Variants in SUGCT observed in about 807,000 individuals in gnomAD.
SUGCT encodes succinyl-CoA:glutarate CoA-transferase.
SUGCT carries 41 observed loss-of-function variants against 55.0 expected under a neutral mutation model. The observed-to-expected ratio is 0.74, with a 90% CI of 0.58 to 0.97. The LOEUF (loss-of-function observed/expected upper bound fraction) is 0.97. Among genes scored for constraint, SUGCT ranks in the 50% least tolerant of loss-of-function variants. The pLI is 0.00. For synonymous variants in SUGCT, 187 were observed against 200.4 expected (o/e 0.93, Z 0.56); for missense variants, 568 against 547.8 (o/e 1.04, Z -0.37).
At chr7:40,798,007 C>T (rs1054893630) in intron 13 of SUGCT, among the ~76,000 whole-genome samples, 4 of 152,298 alleles carry the variant, frequency 2.6e-5, no homozygotes, top group South Asian at 4.1e-4. Context: ...GTGCTTCAAA[C>T]GTGCATCCCC....
intron 10 of SUGCT, among the ~76,000 whole-genome samples, chr7:40,453,165 C>A (rs551041095): frequency 6.6e-6 from 1 of 152,228 alleles, no homozygotes; most frequent in South Asian, 2.1e-4. Context: ...TTTTCTTATG[C>A]CCCAGACCCC....
chr7:40,225,032 C>T (rs1788253296), intron 6 of SUGCT, among the ~76,000 whole-genome samples: 1 of 152,168 alleles, frequency 6.6e-6, no homozygotes, highest in African/African-American at 2.4e-5. Flanking sequence ...GGCTGCCTGC[C>T]TGTTGGGGTA....
the SUGCT span, among the ~76,000 whole-genome samples, chr7:40,902,111 A>G: frequency 3.3e-5 from 5 of 152,122 alleles, no homozygotes; most frequent in African/African-American, 1.2e-4. Flanking sequence ...GGTTCTGCAA[A>G]GAAATAAGAA....
chr7:40,860,344 G>T lies in SUGCT; in HGVS notation c.1182G>T (p.Lys394Asn). Residue 394 changes from lysine (K) to asparagine (N), a missense_variant, in exon 14 of 14, where the codon AAG (lysine) becomes AAT (asparagine). Coordinates refer to ENST00000335693, the MANE Select transcript of SUGCT (RefSeq NM_001193313.2). ...PGPAVRYSKFKMSEARPPPLL... is the reference protein window; with the variant it reads ...PGPAVRYSKFNMSEARPPPLL... ...CAGCTGTGAGATACAGTAAGTTCAAGATGTCAGAGGCCAGGCCGCCCCCGC... is the reference window on the plus strand; with the variant it reads ...CAGCTGTGAGATACAGTAAGTTCAATATGTCAGAGGCCAGGCCGCCCCCGC... 1 of 1,613,984 alleles carries T rather than the reference G, an allele frequency of 6.2e-7. No individual in the cohort carries two copies. The highest frequency in any genetic ancestry group is 8.5e-7 in the Non-Finnish European group (1 of 1,179,862).
chr7:40,805,696 A>G (rs1791054145), intron 13 of SUGCT, among the ~76,000 whole-genome samples: 1 of 152,234 alleles, frequency 6.6e-6, no homozygotes, highest in South Asian at 2.1e-4. Flanking sequence ...TCTTAAAGCA[A>G]GATGACTTGC....
At chr7:40,810,213 C>T (rs1404559505) in intron 13 of SUGCT, among the ~76,000 whole-genome samples, 1 of 151,932 alleles carries the variant, frequency 6.6e-6, no homozygotes, top group Non-Finnish European at 1.5e-5. Context: ...GTAGCCTCAA[C>T]CTCCCAGGCC....
intron 3 of SUGCT, among the ~76,000 whole-genome samples, chr7:40,183,131 G>A (rs1785311618): frequency 6.6e-6 from 1 of 152,256 alleles, no homozygotes; most frequent in African/African-American, 2.4e-5. Context: ...AAATGAGCCA[G>A]GCATGGTGGC....
chr7:40,347,477 T>A (rs1273495137), intron 9 of SUGCT, among the ~76,000 whole-genome samples: 2 of 152,312 alleles, frequency 1.3e-5, no homozygotes, highest in African/African-American at 4.8e-5. Flanking sequence ...AACAAAATGT[T>A]CAAAGTGTGG....
rs773683721 is a variant in SUGCT, at chr7:40,459,084, T to A, written c.889-17T>A. On this transcript the variant is annotated splice_polypyrimidine_tract_variant and intron_variant, in intron 10 of 13. Transcript: ENST00000335693. ...ACTACCTATTTCTTATACTGGAAAA[T>A]TATTTTTTTCTTTTAGATCTTGGAT... is the stretch of plus-strand genomic sequence containing the variant. 7 of 1,567,756 alleles carry A rather than the reference T, an allele frequency of 4.5e-6. No individual in the cohort carries two copies. The Admixed American group carries it at 1.2e-4, about 26-fold the overall frequency.
intron 6 of SUGCT, among the ~76,000 whole-genome samples, chr7:40,218,848 C>G (rs188740959): frequency 4.5e-4 from 68 of 152,282 alleles, no homozygotes; most frequent in Non-Finnish European, 7.9e-4. Context: ...GACCAATCAG[C>G]ACTCTGTAAA....
At chr7:40,630,657 T>C (rs1456979906) in intron 12 of SUGCT, among the ~76,000 whole-genome samples, 1 of 152,200 alleles carries the variant, frequency 6.6e-6, no homozygotes, top group Non-Finnish European at 1.5e-5. Context: ...TCTGACTAAC[T>C]GTATGCCAAT....
chr7:40,988,936 G>T, the SUGCT span, among the ~76,000 whole-genome samples: 62 of 151,508 alleles, frequency 4.1e-4, no homozygotes, highest in Non-Finnish European at 7.2e-4. Context: ...ATATAGGCAG[G>T]TTTGATTCCA....
chr7:40,912,425 C>G, the SUGCT span, among the ~76,000 whole-genome samples: 4 of 152,106 alleles, frequency 2.6e-5, no homozygotes. Context: ...AATTATCCAA[C>G]CAATTATAAC....
intron 6 of SUGCT, among the ~76,000 whole-genome samples, chr7:40,219,072 G>A (rs1787862872): frequency 1.3e-5 from 2 of 152,160 alleles, no homozygotes; most frequent in South Asian, 4.1e-4. Context: ...CTTCACTCCT[G>A]AAGCCAGCGA....
chr7:40,393,341 T>C lies in SUGCT; in HGVS notation c.817-55946T>C, dbSNP rs373904862. On this transcript the variant is annotated intron_variant, in intron 9 of 13. Coordinates refer to ENST00000335693, the MANE Select transcript of SUGCT (RefSeq NM_001193313.2). Reference sequence around the variant, plus strand: ...TGTGCAGTGCTGTGTAGAGGTCTTATGAGATAAGGGTTGAAAAATGTCCAC... The same window carrying C: ...TGTGCAGTGCTGTGTAGAGGTCTTACGAGATAAGGGTTGAAAAATGTCCAC... 5.9e-5 allele frequency among the ~76,000 whole-genome samples: 9 copies of C among 152,048 alleles called. No homozygotes were observed. The East Asian group carries it at 1.4e-3, about 23-fold the overall frequency.
chr7:40,343,291 G>A (rs1261700185), intron 9 of SUGCT, among the ~76,000 whole-genome samples: 2 of 151,932 alleles, frequency 1.3e-5, no homozygotes, highest in African/African-American at 2.4e-5. Context: ...TAATGTTAAT[G>A]CCATGCTAAT....
chr7:40,562,155 C>T (rs1368994213), intron 12 of SUGCT, among the ~76,000 whole-genome samples: 1 of 151,394 alleles, frequency 6.6e-6, no homozygotes, highest in Non-Finnish European at 1.5e-5. Context: ...AAAAATTAGC[C>T]GGGTGTGGTG....
intron 8 of SUGCT, among the ~76,000 whole-genome samples, chr7:40,290,512 G>A (rs1210554316): frequency 6.6e-6 from 1 of 152,026 alleles, no homozygotes; most frequent in Admixed American, 6.6e-5. Context: ...ATTCAAGATG[G>A]ATTAAAGACT....
intron 12 of SUGCT, among the ~76,000 whole-genome samples, chr7:40,550,807 G>A (rs912956054): frequency 6.6e-6 from 1 of 152,022 alleles, no homozygotes; most frequent in Non-Finnish European, 1.5e-5. Flanking sequence ...TTGAGGTGTC[G>A]CAAGGGGCTC....
Sources: allele counts gnomAD v4.1 joint callset (sites outside exome capture counted in the v4.1 genomes callset), GRCh38; gene constraint gnomAD v4.1.1; transcripts MANE v1.5; gene names NCBI Gene and HGNC (gene_info 2026-07-23, HGNC 2026-07-21).